The following ADCY5 variants were observed in gnomAD, a reference collection of about 807,000 sequenced individuals.
ADCY5 encodes adenylate cyclase 5.
Under a neutral mutation model 119.7 loss-of-function variants are expected in ADCY5, and 30 were observed. That is an observed-to-expected ratio of 0.25 (90% CI 0.19 to 0.34). The LOEUF is 0.34. ADCY5 is among the 10% of genes least tolerant of loss of function. The pLI is 1.00. For missense variants in ADCY5, 1,324 were observed against 1,775.2 expected (o/e 0.75, Z 4.57); for synonymous variants, 753 against 762.2 (o/e 0.99, Z 0.20).
At position 123,328,736 on chromosome 3, in the gene ADCY5, G is replaced by A; in HGVS notation, c.1713C>T (p.His571=). Residue 571 remains histidine (H), a synonymous_variant, in exon 6 of 21, where the codon CAC becomes CAT. Transcript: ENST00000462833. ...ACTTCCTGAGACCAAGGACACCGCA[G>A]TGTACTCGCCCGCTGTGAATTCCCA... The part of the protein sequence containing the change: ...MRVGIHSGRV[H]CGVLGLRKWQ... 1 of 1,614,252 alleles carries A rather than the reference G, an allele frequency of 6.2e-7. No individual in the cohort carries two copies. The highest frequency in any genetic ancestry group is 8.5e-7 in the Non-Finnish European group (1 of 1,180,042).
At chr3:123,393,427 A>G (rs1047175642) in intron 1 of ADCY5, among the ~76,000 whole-genome samples, 1 of 151,958 alleles carries the variant, frequency 6.6e-6, no homozygotes, top group African/African-American at 2.4e-5. Flanking sequence ...AGGGTGGGGT[A>G]ATGCCTGTAG....
At chr3:123,380,815 A>G (rs1248086833) in intron 1 of ADCY5, among the ~76,000 whole-genome samples, 2 of 152,230 alleles carry the variant, frequency 1.3e-5, no homozygotes, top group African/African-American at 4.8e-5. Flanking sequence ...TGAGAAAGGG[A>G]TGGACACAGA....
At chr3:123,348,295 T>A (rs1942671082) in intron 2 of ADCY5, among the ~76,000 whole-genome samples, 1 of 152,038 alleles carries the variant, frequency 6.6e-6, no homozygotes, top group Admixed American at 6.5e-5. Flanking sequence ...GTCTGTAAAA[T>A]GAGGATGGAG....
chr3:123,301,340 T>C (rs772872065), intron 14 of ADCY5, among the ~76,000 whole-genome samples: 12 of 152,102 alleles, frequency 7.9e-5, no homozygotes, highest in Non-Finnish European at 1.5e-4. Flanking sequence ...CAAGGGCCCC[T>C]GGGTGATTGG....
At chr3:123,371,637 G>GGAGGATGGGGCAAGAGCT (rs1214080597) in intron 1 of ADCY5, among the ~76,000 whole-genome samples, 49 of 152,252 alleles carry the variant, frequency 3.2e-4, no homozygotes, top group African/African-American at 1.1e-3. Flanking sequence ...AGCCAGGCCT[G>GGAGGATGGGGCAAGAGCT]GAGGATGGGG....
chr3:123,320,800 GA>G, intron 8 of ADCY5, 29 bp from the exon 9 acceptor site: 1 of 1,536,812 alleles, frequency 6.5e-7, no homozygotes, highest in Non-Finnish European at 9.0e-7. Flanking sequence ...AAGAGAAAGA[GA>G]AGAGAATGAG....
At chr3:123,324,404 C>CCACACACACACACACA (rs10522987) in intron 8 of ADCY5, among the ~76,000 whole-genome samples, 2 of 109,608 alleles carry the variant, frequency 1.8e-5, no homozygotes, top group Non-Finnish European at 3.9e-5. Context: ...CACACAGAAA[C>CCACACACACACACACA]CACACACACA....
intron 10 of ADCY5, among the ~76,000 whole-genome samples, chr3:123,318,844 G>A (rs984948218): frequency 1.3e-5 from 2 of 152,174 alleles, no homozygotes; most frequent in African/African-American, 4.8e-5. Context: ...TCACTGGGGG[G>A]CCGAAAGCAG....
At chr3:123,403,458 T>G (rs1022962126) in intron 1 of ADCY5, among the ~76,000 whole-genome samples, 18 of 151,050 alleles carry the variant, frequency 1.2e-4, no homozygotes, top group Admixed American at 1.2e-3. Context: ...AAGCTGTGGC[T>G]CCACCACCAA....
Position 123,389,023 on chromosome 3 carries a change from G to T in ADCY5, c.1135-36442C>A, listed in dbSNP as rs79891735. Among the ~76,000 whole-genome samples the T allele has an allele frequency of 9.9e-3, 1,505 of 152,264 alleles. 31 individuals carry two copies. The highest frequency in any genetic ancestry group is 0.034 in the African/African-American group (1,410 of 41,546). On this transcript the variant is annotated intron_variant, in intron 1 of 20. Transcript: ENST00000462833. ...GCGGGGCGGGAGGCCAGGAGTCATGGAAGGAAGGAGGGAGGAAGGTGGCCA... is the reference window on the plus strand; with the variant it reads ...GCGGGGCGGGAGGCCAGGAGTCATGTAAGGAAGGAGGGAGGAAGGTGGCCA...
At chr3:123,302,972 G>A in intron 14 of ADCY5, 83 bp downstream of exon 14, 1 of 1,509,618 alleles carries the variant, frequency 6.6e-7, no homozygotes, top group East Asian at 2.3e-5. Flanking sequence ...CTGTCCTTCA[G>A]ACTGTCCTGA....
At chr3:123,344,821 G>A (rs960372383) in intron 3 of ADCY5, among the ~76,000 whole-genome samples, 4 of 152,240 alleles carry the variant, frequency 2.6e-5, no homozygotes, top group Admixed American at 6.5e-5. Context: ...AACAGGGAAA[G>A]AGGCCCCAGA....
intron 1 of ADCY5, among the ~76,000 whole-genome samples, chr3:123,405,324 A>G (rs1377909354): frequency 6.6e-6 from 1 of 152,210 alleles, no homozygotes; most frequent in African/African-American, 2.4e-5. Flanking sequence ...ACCAGTCTAG[A>G]GCACAGGATG....
At chr3:123,319,616 C>T (rs1941106180) in intron 10 of ADCY5, 58 bp downstream of exon 10, 4 of 1,586,754 alleles carry the variant, frequency 2.5e-6, no homozygotes, top group Admixed American at 3.4e-5. Flanking sequence ...TTTTCTTGCC[C>T]TCCTCCTCCT....
rs1327840480 is a variant in ADCY5, at chr3:123,283,671, CAT to C, written c.*935_*936del. 3 of 152,202 alleles carry C rather than the reference CAT, an allele frequency of 2.0e-5. No individual in the cohort carries two copies. Among genetic ancestry groups the C allele is most frequent in the Non-Finnish European group, 4.4e-5 (3 of 68,048 alleles). The allele number at this position is 152,202 out of a possible 1,614,324, so 9.4% of individuals were successfully genotyped here. Reference sequence around the variant, plus strand: ...CAGTTCCACAGCATGAACACACACACATATACACCAGTACATACACCGACATA... The same window carrying C: ...CAGTTCCACAGCATGAACACACACACATACACCAGTACATACACCGACATA... On this transcript the variant is annotated 3_prime_UTR_variant, in exon 21 of 21. Coordinates refer to ENST00000462833, the MANE Select transcript of ADCY5 (RefSeq NM_183357.3).
intron 8 of ADCY5, among the ~76,000 whole-genome samples, chr3:123,321,392 G>C (rs547957532): frequency 1.3e-5 from 2 of 152,322 alleles, no homozygotes; most frequent in Admixed American, 6.5e-5. Flanking sequence ...TCTGACTGCT[G>C]TTCTATCAGA....
At chr3:123,334,938 G>A (rs1476347242) in intron 3 of ADCY5, among the ~76,000 whole-genome samples, 2 of 152,092 alleles carry the variant, frequency 1.3e-5, no homozygotes, top group African/African-American at 2.4e-5. Context: ...TCTTTACTAA[G>A]CCTGTCTTTA....
chr3:123,419,826 CCCT>C (rs1945264493), intron 1 of ADCY5, among the ~76,000 whole-genome samples: 1 of 152,090 alleles, frequency 6.6e-6, no homozygotes, highest in Non-Finnish European at 1.5e-5. Context: ...TGCTCAGCTC[CCCT>C]CCTCCTCCGA....
In ADCY5 at chr3:123,364,764, A is replaced by C. The variant is rs146677038; in HGVS notation, c.1135-12183T>G. Among the ~76,000 whole-genome samples the C allele has an allele frequency of 3.1e-3, 478 of 152,108 alleles. 1 individual carries two copies. The highest frequency in any genetic ancestry group is 0.011 in the African/African-American group (449 of 41,388). On this transcript the variant is annotated intron_variant, in intron 1 of 20. Transcript: ENST00000462833. ...GTACATTCATTACGGAACACTTCGA[A>C]ATCATAGAAAAGGAAAAAAAAATCA...
Sources: gnomAD v4.1 joint callset for allele counts (sites outside exome capture counted in the v4.1 genomes callset) on GRCh38, gnomAD v4.1.1 for gene constraint, MANE v1.5 for transcripts, NCBI Gene and HGNC (gene_info 2026-07-23, HGNC 2026-07-21) for gene names.